Variants in TLN2 observed in about 807,000 individuals in gnomAD.
TLN2 encodes the protein talin 2, also known as talin-2.
In TLN2, 118 loss-of-function variants were observed where a neutral mutation model predicts 294.7. That is an observed-to-expected ratio of 0.40 (90% CI 0.34 to 0.47). The LOEUF (loss-of-function observed/expected upper bound fraction) is 0.47, where lower values mean the gene tolerates loss of function less well. Among genes scored for constraint, TLN2 ranks in the 20% least tolerant of loss-of-function variants. TLN2 has a pLI of 0.84. For synonymous variants in TLN2, 1,431 were observed against 1,304.5 expected, an observed-to-expected ratio of 1.10 and a Z score of -2.09; for missense variants, 3,083 against 3,282.2, an observed-to-expected ratio of 0.94 and a Z score of 1.48.
At chr15:62,605,411 C>G (rs1225690545) in intron 2 of TLN2, among the ~76,000 whole-genome samples, 2 of 152,134 alleles carry the variant, frequency 1.3e-5, no homozygotes, top group Admixed American at 1.3e-4. Flanking sequence ...CTGTATTGGA[C>G]ACAGAATCTA....
intron 25 of TLN2, among the ~76,000 whole-genome samples, chr15:62,720,405 G>A (rs946318844): frequency 6.6e-6 from 1 of 152,106 alleles, no homozygotes; most frequent in Non-Finnish European, 1.5e-5. Context: ...TCCCCTTTAC[G>A]TGCTTCTTAT....
chr15:62,529,561 TAAA>T (rs11312497), intron 1 of TLN2, among the ~76,000 whole-genome samples: 19,154 of 135,076 alleles, frequency 0.14, 1,904 homozygotes, highest in East Asian at 0.56. Context: ...CTTAAAAGCT[TAAA>T]AAAAAAAAAA....
intron 44 of TLN2, 150 bp from the exon 45 acceptor site, chr15:62,783,621 C>A: frequency 7.0e-7 from 1 of 1,428,208 alleles, no homozygotes; most frequent in South Asian, 1.5e-5. Context: ...GCATCTAGCC[C>A]CAAATGCAAG....
intron 50 of TLN2, among the ~76,000 whole-genome samples, chr15:62,802,880 G>A (rs571753126): frequency 2.0e-5 from 3 of 152,106 alleles, no homozygotes; most frequent in Admixed American, 1.3e-4. Context: ...GTCTTCTTTT[G>A]AGAAATGTCT....
intron 1 of TLN2, among the ~76,000 whole-genome samples, chr15:62,539,982 C>A (rs1446206790): frequency 6.6e-6 from 1 of 151,546 alleles, no homozygotes; most frequent in Non-Finnish European, 1.5e-5. Context: ...CATGTAAATA[C>A]TTACACTACA....
chr15:62,748,637 G>C (rs1440147350), intron 33 of TLN2, among the ~76,000 whole-genome samples, 193 bp downstream of exon 33: 1 of 152,226 alleles, frequency 6.6e-6, no homozygotes, highest in Non-Finnish European at 1.5e-5. Flanking sequence ...AGAAACTGAA[G>C]AGAAACTAGA....
At chr15:62,615,344 A>C (rs2048229393) in intron 2 of TLN2, among the ~76,000 whole-genome samples, 1 of 152,194 alleles carries the variant, frequency 6.6e-6, no homozygotes, top group Non-Finnish European at 1.5e-5. Context: ...AGCATATTTA[A>C]ATATGCAATT....
chr15:62,612,550 T>C (rs970935133), intron 2 of TLN2, among the ~76,000 whole-genome samples: 1 of 152,230 alleles, frequency 6.6e-6, no homozygotes, highest in Non-Finnish European at 1.5e-5. Flanking sequence ...TGGGGGTCTT[T>C]ATGGTAAGGG....
chr15:62,833,857 C>T, intron 55 of TLN2: 1 of 486,304 alleles, frequency 2.1e-6, no homozygotes, highest in Non-Finnish European at 3.5e-6. Context: ...AGGAAAGCAT[C>T]CCATTCCAGG....
intron 1 of TLN2, among the ~76,000 whole-genome samples, chr15:62,551,507 T>C (rs2042303692): frequency 8.6e-6 from 1 of 115,682 alleles, no homozygotes; most frequent in Admixed American, 1.0e-4. Flanking sequence ...CAATCTCTAC[T>C]AAAAATACAC....
intron 37 of TLN2, among the ~76,000 whole-genome samples, chr15:62,756,410 G>A (rs561350693): frequency 6.6e-6 from 1 of 152,258 alleles, no homozygotes; most frequent in Non-Finnish European, 1.5e-5. Context: ...GGACCAAGCA[G>A]GCAGCAGGCA....
chr15:62,804,424 C>T (rs1391268195), intron 50 of TLN2, among the ~76,000 whole-genome samples: 1 of 152,098 alleles, frequency 6.6e-6, no homozygotes, highest in African/African-American at 2.4e-5. Context: ...ATAGGGAAAC[C>T]ACATCTCTAC....
At chr15:62,545,011 G>A (rs1306416351) in intron 1 of TLN2, among the ~76,000 whole-genome samples, 3 of 151,718 alleles carry the variant, frequency 2.0e-5, no homozygotes, top group East Asian at 1.9e-4. Flanking sequence ...CTCACTGCAA[G>A]CTCCACCTCC....
chr15:62,713,929 A>ATATTC, intron 22 of TLN2, among the ~76,000 whole-genome samples: 1 of 125,204 alleles, frequency 8.0e-6, no homozygotes, highest in Non-Finnish European at 1.8e-5. Flanking sequence ...GTGTGTGTGT[A>ATATTC]TGTGTGTGTG....
At chr15:62,790,109 T>A (rs1011184603) in intron 45 of TLN2, among the ~76,000 whole-genome samples, 1 of 152,198 alleles carries the variant, frequency 6.6e-6, no homozygotes, top group African/African-American at 2.4e-5. Context: ...TGTAACAGGA[T>A]TTTCTCAACA....
intron 1 of TLN2, among the ~76,000 whole-genome samples, chr15:62,556,053 G>A (rs1371998458): frequency 6.6e-6 from 1 of 151,080 alleles, no homozygotes; most frequent in East Asian, 2.0e-4. Context: ...TTTACAAACT[G>A]AGGAAGAATT....
chr15:62,399,256 C>CCAAAAAA (rs2032815155), intron 1 of TLN2, among the ~76,000 whole-genome samples: 1 of 58,430 alleles, frequency 1.7e-5, no homozygotes, highest in Non-Finnish European at 2.8e-5. Context: ...CCGTCTCAAA[C>CCAAAAAA]AAAAAAAAAA....
intron 49 of TLN2, 46 bp from the exon 50 acceptor site, chr15:62,800,607 A>G (rs560068385): frequency 1.2e-6 from 2 of 1,611,874 alleles, no homozygotes; most frequent in East Asian, 4.5e-5. Context: ...TAGGGGCTGG[A>G]CCTGAGTCAC....
intron 1 of TLN2, among the ~76,000 whole-genome samples, chr15:62,410,104 T>C (rs1336867846): frequency 6.6e-6 from 1 of 152,068 alleles, no homozygotes; most frequent in Non-Finnish European, 1.5e-5. Flanking sequence ...TAGCCGGGCG[T>C]GGTGGTGTGC....
Sources: allele counts gnomAD v4.1 joint callset (sites outside exome capture counted in the v4.1 genomes callset), GRCh38; gene constraint gnomAD v4.1.1; transcripts MANE v1.5; gene names NCBI Gene and HGNC (gene_info 2026-07-23, HGNC 2026-07-21).